PDE1A: variants seen among roughly 807,000 people sequenced by gnomAD.
The protein encoded by PDE1A is phosphodiesterase 1A.
A neutral mutation model predicts 61.7 loss-of-function variants in PDE1A; 35 were observed. The ratio of observed to expected loss-of-function variants is 0.57; its 90% CI spans 0.43 to 0.75. The LOEUF is 0.75. Ranked by LOEUF, PDE1A falls within the 30% of genes least tolerant of loss-of-function variation. The probability of loss-of-function intolerance (pLI) is 0.00; values close to 1 mark genes in which losing one functional copy is unlikely to be tolerated. For missense variants in PDE1A, 597 were observed against 630.6 expected (o/e 0.95, Z 0.57); for synonymous variants, 232 against 213.2 (o/e 1.09, Z -0.77).
At chr2:182,328,049 G>C (rs1484575451) in intron 1 of PDE1A, among the ~76,000 whole-genome samples, 1 of 152,166 alleles carries the variant, frequency 6.6e-6, no homozygotes, top group Non-Finnish European at 1.5e-5. Context: ...CTGTTAGGGA[G>C]GTAGATGTGC....
At chr2:182,197,700 A>T (rs1177992919) in intron 10 of PDE1A, among the ~76,000 whole-genome samples, 2 of 151,826 alleles carry the variant, frequency 1.3e-5, no homozygotes, top group Non-Finnish European at 2.9e-5. Context: ...TAAAGATCAC[A>T]TGACATTATA....
chr2:182,548,435 G>C, the PDE1A span, among the ~76,000 whole-genome samples: 7 of 152,162 alleles, frequency 4.6e-5, no homozygotes, highest in African/African-American at 1.7e-4. Flanking sequence ...GAAGGAATTT[G>C]GAAGGCAGAT....
At chr2:182,633,715 C>A in the PDE1A span, among the ~76,000 whole-genome samples, 1 of 152,118 alleles carries the variant, frequency 6.6e-6, no homozygotes, top group Non-Finnish European at 1.5e-5. Context: ...GGCCTGCATC[C>A]TAAGAGAACA....
chr2:182,144,769 A>G (rs941430842), downstream of PDE1A, among the ~76,000 whole-genome samples: 4 of 152,248 alleles, frequency 2.6e-5, no homozygotes, highest in Admixed American at 2.6e-4. Flanking sequence ...ACCCTCAGAT[A>G]TATTTTTCTC....
At chr2:182,280,678 T>A (rs913289221) in intron 1 of PDE1A, among the ~76,000 whole-genome samples, 5 of 151,950 alleles carry the variant, frequency 3.3e-5, no homozygotes, top group African/African-American at 1.2e-4. Flanking sequence ...AAAAATTCGC[T>A]AAAATAACCT....
At chr2:182,617,265 T>C in the PDE1A span, among the ~76,000 whole-genome samples, 1 of 152,154 alleles carries the variant, frequency 6.6e-6, no homozygotes, top group Non-Finnish European at 1.5e-5. Flanking sequence ...CACACTTCAA[T>C]AAAACTGGAC....
At chr2:182,714,799 T>C in the PDE1A span, among the ~76,000 whole-genome samples, 1 of 152,136 alleles carries the variant, frequency 6.6e-6, no homozygotes, top group South Asian at 2.1e-4. Context: ...CCTCAAGTGA[T>C]CCACCCGCCT....
At chr2:182,576,499 C>T in the PDE1A span, among the ~76,000 whole-genome samples, 1 of 152,130 alleles carries the variant, frequency 6.6e-6, no homozygotes, top group African/African-American at 2.4e-5. Flanking sequence ...ACTTTTCTGG[C>T]TATTGTGAAT....
chr2:182,181,571 A>G (rs556903603), intron 13 of PDE1A, among the ~76,000 whole-genome samples: 3 of 152,352 alleles, frequency 2.0e-5, no homozygotes, highest in Admixed American at 6.5e-5. Flanking sequence ...GTCCCTTAGC[A>G]GAACTGGTGC....
At chr2:182,229,116 A>G (rs1039896676) in intron 6 of PDE1A, among the ~76,000 whole-genome samples, 1 of 152,026 alleles carries the variant, frequency 6.6e-6, no homozygotes, top group East Asian at 1.9e-4. Flanking sequence ...CATCTCTTCA[A>G]TGTCACCTTC....
the PDE1A span, among the ~76,000 whole-genome samples, chr2:182,699,045 C>A: frequency 6.6e-6 from 1 of 152,180 alleles, no homozygotes; most frequent in Non-Finnish European, 1.5e-5. Context: ...AAAGACTTCA[C>A]GTCTATCCCT....
chr2:182,171,983 A>G (rs1262381504), intron 13 of PDE1A, among the ~76,000 whole-genome samples: 2 of 151,966 alleles, frequency 1.3e-5, no homozygotes, highest in Non-Finnish European at 2.9e-5. Context: ...CATTACTCAT[A>G]TTGCAAAGTA....
rs560626900 is a variant in PDE1A, at chr2:182,386,866, C to T, written c.53+39712G>A. Among the ~76,000 whole-genome samples, 4 of 151,758 alleles carry T rather than the reference C, an allele frequency of 2.6e-5. No individual in the cohort carries two copies. In the South Asian group the frequency reaches 8.3e-4, roughly 32 times the overall value. ...GGGGGGCGCCTCTGCCCGGCCGCCC[C>T]TTCTGGGAGGTGAGGAGCCCCTCTG... is the stretch of plus-strand genomic sequence containing the variant. On this transcript the variant is annotated intron_variant, in intron 1 of 13. Coordinates refer to ENST00000351439, the Ensembl canonical transcript of PDE1A.
the PDE1A span, among the ~76,000 whole-genome samples, chr2:182,541,910 G>A: frequency 6.6e-6 from 1 of 152,136 alleles, no homozygotes; most frequent in Non-Finnish European, 1.5e-5. Flanking sequence ...GAAGCTTTAT[G>A]TGTGACTTGA....
At chr2:182,380,892 C>T (rs1364386612) in intron 1 of PDE1A, among the ~76,000 whole-genome samples, 1 of 152,164 alleles carries the variant, frequency 6.6e-6, no homozygotes, top group African/African-American at 2.4e-5. Context: ...TGCTGAAGAG[C>T]ACTAAAAAAT....
chr2:182,575,562 G>A, the PDE1A span, among the ~76,000 whole-genome samples: 2 of 151,596 alleles, frequency 1.3e-5, no homozygotes, highest in Non-Finnish European at 2.9e-5. Flanking sequence ...GGGTGATGGT[G>A]AGTGGTGCCA....
the PDE1A span, among the ~76,000 whole-genome samples, chr2:182,559,637 G>T: frequency 6.6e-6 from 1 of 152,140 alleles, no homozygotes; most frequent in South Asian, 2.1e-4. Context: ...TATATTTCCA[G>T]TAGAAATGTG....
chr2:182,457,244 T>C (rs1045311326), intron 2 of PDE1A, among the ~76,000 whole-genome samples: 3 of 152,072 alleles, frequency 2.0e-5, no homozygotes, highest in Non-Finnish European at 4.4e-5. Context: ...TTTTATACTC[T>C]AAAATATTCC....
intron 1 of PDE1A, among the ~76,000 whole-genome samples, chr2:182,361,343 A>G (rs1425440678): frequency 6.6e-6 from 1 of 152,128 alleles, no homozygotes; most frequent in African/African-American, 2.4e-5. Flanking sequence ...TGTGATCTCT[A>G]AACACCTAAG....
Sources: gnomAD v4.1 joint callset for allele counts (sites outside exome capture counted in the v4.1 genomes callset) on GRCh38, gnomAD v4.1.1 for gene constraint, MANE v1.5 for transcripts, NCBI Gene and HGNC (gene_info 2026-07-23, HGNC 2026-07-21) for gene names.